Variants in DPP6 observed in about 807,000 individuals in gnomAD.
DPP6 encodes the protein A-type potassium channel modulatory protein DPP6.
Under a neutral mutation model 122.6 loss-of-function variants are expected in DPP6, and 69 were observed. That is an observed-to-expected ratio of 0.56 (90% CI 0.46 to 0.69). The LOEUF (loss-of-function observed/expected upper bound fraction) is 0.69, where lower values mean the gene tolerates loss of function less well. DPP6 is among the 30% of genes least tolerant of loss of function. The probability of loss-of-function intolerance (pLI) is 0.00; values close to 1 mark genes in which losing one functional copy is unlikely to be tolerated. For missense variants in DPP6, 928 were observed against 1,116.9 expected, an observed-to-expected ratio of 0.83 and a Z score of 2.41; for synonymous variants, 418 against 433.1, an observed-to-expected ratio of 0.97 and a Z score of 0.43.
At chr7:153,770,127 T>C in the DPP6 span, among the ~76,000 whole-genome samples, 5 of 152,156 alleles carry the variant, frequency 3.3e-5, no homozygotes, top group Non-Finnish European at 7.4e-5. Flanking sequence ...GCCTGGACTC[T>C]ACTGCCCCGT....
chr7:154,804,208 G>A (rs374895135), intron 14 of DPP6, among the ~76,000 whole-genome samples: 1 of 152,220 alleles, frequency 6.6e-6, no homozygotes, highest in South Asian at 2.1e-4. Flanking sequence ...GCACGCTAGC[G>A]GCAGTAGTAG....
intron 4 of DPP6, among the ~76,000 whole-genome samples, chr7:154,551,579 A>G (rs1207343542): frequency 6.6e-6 from 1 of 152,208 alleles, no homozygotes; most frequent in African/African-American, 2.4e-5. Flanking sequence ...AAAGCTTACA[A>G]TAAATCAATT....
chr7:154,634,881 A>G (rs994448275), intron 5 of DPP6, among the ~76,000 whole-genome samples: 4 of 152,210 alleles, frequency 2.6e-5, no homozygotes, highest in African/African-American at 9.7e-5. Context: ...TGTTTTGGGG[A>G]TGGCATAACC....
intron 1 of DPP6, among the ~76,000 whole-genome samples, chr7:154,317,880 G>T (rs1457805841): frequency 6.6e-6 from 1 of 152,206 alleles, no homozygotes; most frequent in Non-Finnish European, 1.5e-5. Context: ...CACCAAAGAA[G>T]ATCAAGATTG....
intron 1 of DPP6, among the ~76,000 whole-genome samples, chr7:154,381,450 T>A (rs905894443): frequency 2.6e-5 from 4 of 152,188 alleles, no homozygotes; most frequent in Non-Finnish European, 4.4e-5. Context: ...TGTGTACATA[T>A]CGGTATGTAT....
At chr7:153,841,952 A>G in the DPP6 span, among the ~76,000 whole-genome samples, 1 of 152,232 alleles carries the variant, frequency 6.6e-6, no homozygotes. Context: ...AAATTCTTCT[A>G]TATGATTCTC....
intron 25 of DPP6, chr7:154,891,343 C>T (rs1354735248): frequency 6.6e-6 from 1 of 152,204 alleles, no homozygotes; most frequent in East Asian, 1.9e-4. Flanking sequence ...GAATAATTAG[C>T]CATCATCCTA....
intron 12 of DPP6, among the ~76,000 whole-genome samples, chr7:154,799,640 C>A (rs1442035986): frequency 1.3e-5 from 2 of 152,166 alleles, no homozygotes; most frequent in African/African-American, 4.8e-5. Context: ...AAAACACTGG[C>A]AAAAATGCTA....
chr7:154,373,985 A>G (rs2151126524), intron 1 of DPP6, among the ~76,000 whole-genome samples: 1 of 152,264 alleles, frequency 6.6e-6, no homozygotes, highest in East Asian at 1.9e-4. Flanking sequence ...CTACCCTTTT[A>G]AGGTGGTGAG....
At chr7:154,182,550 C>A (rs1798145379) in intron 1 of DPP6, among the ~76,000 whole-genome samples, 1 of 152,184 alleles carries the variant, frequency 6.6e-6, no homozygotes, top group Non-Finnish European at 1.5e-5. Flanking sequence ...GATAATGTAA[C>A]ATGTGCCCGG....
At chr7:154,612,961 G>A (rs1461467015) in intron 5 of DPP6, among the ~76,000 whole-genome samples, 1 of 152,152 alleles carries the variant, frequency 6.6e-6, no homozygotes, top group East Asian at 1.9e-4. Context: ...CTGGGTGCTG[G>A]CATGGTCCAT....
At chr7:154,807,182 C>A in intron 16 of DPP6, 70 bp downstream of exon 16, 2 of 1,568,358 alleles carry the variant, frequency 1.3e-6, no homozygotes, top group Non-Finnish European at 1.7e-6. Flanking sequence ...GGTGGGCACA[C>A]TTGCAGGGAG....
At chr7:153,891,464 AATT>A (rs1422694188) in intron 1 of DPP6, among the ~76,000 whole-genome samples, 2 of 152,194 alleles carry the variant, frequency 1.3e-5, no homozygotes, top group Admixed American at 1.3e-4. Context: ...TCGAAACAAA[AATT>A]ATTTTTTTAA....
At chr7:154,762,274 G>C (rs1795606906) in intron 8 of DPP6, among the ~76,000 whole-genome samples, 1 of 152,216 alleles carries the variant, frequency 6.6e-6, no homozygotes, top group Non-Finnish European at 1.5e-5. Context: ...AAGGAGCAAA[G>C]AATCACCTCT....
At chr7:153,964,076 A>G (rs7804355) in intron 1 of DPP6, among the ~76,000 whole-genome samples, 8,497 of 151,624 alleles carry the variant, frequency 0.056, 812 homozygotes, top group African/African-American at 0.19. Context: ...GCTCACTGCA[A>G]TCTCCATCTC....
chr7:154,186,919 G>T (rs977267164), intron 1 of DPP6, among the ~76,000 whole-genome samples: 1 of 152,222 alleles, frequency 6.6e-6, no homozygotes, highest in Non-Finnish European at 1.5e-5. Flanking sequence ...GAGTGGCTAT[G>T]CGGCATTGCA....
chr7:153,980,865 G>A (rs952423195), intron 1 of DPP6, among the ~76,000 whole-genome samples: 4 of 152,196 alleles, frequency 2.6e-5, no homozygotes, highest in Non-Finnish European at 5.9e-5. Context: ...TTTTGAGTGA[G>A]TGTCTTAATC....
At chr7:154,247,388 A>G (rs58597601) in intron 1 of DPP6, among the ~76,000 whole-genome samples, 6,440 of 152,320 alleles carry the variant, frequency 0.042, 431 homozygotes, top group African/African-American at 0.14. Context: ...AAGGACTTGT[A>G]TCTACAATAT....
At chr7:154,570,040 C>T (rs117812565) in intron 5 of DPP6, among the ~76,000 whole-genome samples, 6 of 151,976 alleles carry the variant, frequency 3.9e-5, no homozygotes, top group African/African-American at 9.7e-5. Context: ...AGAGTAGTTC[C>T]GTATGTATAC....
Sources: gnomAD v4.1 joint callset for allele counts (sites outside exome capture counted in the v4.1 genomes callset) on GRCh38, gnomAD v4.1.1 for gene constraint, MANE v1.5 for transcripts, NCBI Gene and HGNC (gene_info 2026-07-23, HGNC 2026-07-21) for gene names.